The following KIR2DL1 variants were observed in gnomAD, a reference collection of about 807,000 sequenced individuals.
KIR2DL1 encodes the protein killer cell immunoglobulin-like receptor 2DL1.
A neutral mutation model predicts 33.9 loss-of-function variants in KIR2DL1; 38 were observed. That is an observed-to-expected ratio of 1.12 (90% CI 0.86 to 1.47). KIR2DL1 has a LOEUF of 1.47. Among genes scored for constraint, KIR2DL1 ranks in the 40% most tolerant of loss-of-function variants. The probability of loss-of-function intolerance (pLI) is 0.00; values close to 1 mark genes in which losing one functional copy is unlikely to be tolerated. For missense variants in KIR2DL1, 531 were observed against 433.9 expected (o/e 1.22, Z -1.99); for synonymous variants, 179 against 165.9 (o/e 1.08, Z -0.61).
rs112621768 is a variant in KIR2DL1 at position 54,773,521 on chromosome 19, A to G, written c.259A>G (p.Ile87Val). ...TGGGGTCTCCAAGGCCAACTTCTCC[A>G]TCAGTCGCATGACGCAAGACCTGGC... ...HDGVSKANFS[I>V]SRMTQDLAGT... The change falls in exon 3 of 8, where the codon ATC becomes GTC. Residue 87 changes from isoleucine (I) to valine (V), a missense_variant. By Grantham distance (29) the Ile-to-Val change is conservative. Coordinates refer to ENST00000336077, the MANE Select transcript of KIR2DL1 (RefSeq NM_014218.3). 1.3e-5 allele frequency: 20 copies of G among 1,584,320 alleles called. 1 individual carries two copies. The highest frequency in any genetic ancestry group is 1.2e-4 in the African/African-American group (9 of 74,116).
rs1156292271 is a variant in KIR2DL1, at chr19:54,770,510, A to G, written c.35-339A>G. Among the ~76,000 whole-genome samples, 32 of 143,422 alleles carry G rather than the reference A, an allele frequency of 2.2e-4. 3 individuals are homozygous for G. The Admixed American group carries it at 2.2e-3, about 10-fold the overall frequency. 94.1% of individuals were successfully genotyped at this position (143,422 alleles called of 152,430 possible). ...GAGGAGATATGGACCTGGAGTGGAG[A>G]TAAGGGCCTGGATTGGAGATATGGG... On this transcript the variant is annotated intron_variant, in intron 1 of 7. Transcript: ENST00000336077.
rs759516123 is a variant in KIR2DL1 at position 54,770,873 on chromosome 19, G to C, written c.59G>C (p.Trp20Ser). 1 of 1,584,386 alleles carries C rather than the reference G, an allele frequency of 6.3e-7. No individual in the cohort carries two copies. The highest frequency in any genetic ancestry group is 8.6e-7 in the Non-Finnish European group (1 of 1,156,526). Residue 20 changes from tryptophan (W) to serine (S), a missense_variant, in exon 2 of 8, where the codon TGG (tryptophan) becomes TCG (serine). Coordinates refer to ENST00000336077, the MANE Select transcript of KIR2DL1 (RefSeq NM_014218.3). Reference protein sequence around the residue: ...CVGFFLLQGAWPHEGVHRKPS... With the variant: ...CVGFFLLQGASPHEGVHRKPS... ...GGGTTCTTCTTGCTGCAGGGGGCCT[G>C]GCCACATGAGGGTGAGTCCTTCTCC...
Position 54,783,624 on chromosome 19 carries a change from T to A in KIR2DL1, c.871-13T>A. 1 of 1,613,914 alleles carries A rather than the reference T, an allele frequency of 6.2e-7. No individual in the cohort carries two copies. The highest frequency in any genetic ancestry group is 1.3e-5 in the African/African-American group (1 of 74,988). On this transcript the variant is annotated splice_polypyrimidine_tract_variant and intron_variant, in intron 7 of 7. Coordinates refer to ENST00000336077, the MANE Select transcript of KIR2DL1 (RefSeq NM_014218.3). ...TGAGCACCCTCCCTCACTCAGCATT[T>A]CCCTCTCTCCAGGACTCTGATGAAC... is the stretch of plus-strand genomic sequence containing the variant.
Position 54,781,795 on chromosome 19 carries a change from A to T in KIR2DL1, c.716-1127A>T, listed in dbSNP as rs1456798435. On this transcript the variant is annotated intron_variant, in intron 5 of 7. Coordinates refer to ENST00000336077, the MANE Select transcript of KIR2DL1 (RefSeq NM_014218.3). ...ATTTCGCTTTTTTTATCTTGATTTC[A>T]CTTTTGTTTTCTTTCCTTGGAGAAT... 4.6e-3 allele frequency among the ~76,000 whole-genome samples: 693 copies of T among 152,056 alleles called. 2 individuals carry two copies. The highest frequency in any genetic ancestry group is 0.016 in the African/African-American group (660 of 41,472).
chr19:54,770,626 A>C (rs1440509229), intron 1 of KIR2DL1, among the ~76,000 whole-genome samples: 1 of 146,160 alleles, frequency 6.8e-6, no homozygotes, highest in Non-Finnish European at 1.5e-5. Flanking sequence ...GAGTGGAGAT[A>C]TGGGCCTGGA....
At chr19:54,776,589 G>C (rs747375434) in intron 4 of KIR2DL1, among the ~76,000 whole-genome samples, 1 of 144,680 alleles carries the variant, frequency 6.9e-6, no homozygotes, top group Non-Finnish European at 1.5e-5. Flanking sequence ...ACTTTCCTTT[G>C]GATATAAACC....
In KIR2DL1 at chr19:54,783,665, T is replaced by C; in HGVS notation, c.899T>C (p.Val300Ala). Residue 300 changes from valine (V) to alanine (A), a missense_variant, in exon 8 of 8, where the codon GTG (valine) becomes GCG (alanine). Val to Ala is a moderately conservative substitution (Grantham distance 64). Transcript: ENST00000336077. ...EDSDEQDPQE[V>A]TYTQLNHCVF... ...TCTGATGAACAAGACCCTCAGGAGG[T>C]GACATACACACAGTTGAATCACTGC... 6.2e-7 allele frequency: 1 copy of C among 1,613,828 alleles called. No homozygotes were observed. The highest frequency in any genetic ancestry group is 8.5e-7 in the Non-Finnish European group (1 of 1,179,922).
At chr19:54,777,513 T>C (rs1265037672) in intron 4 of KIR2DL1, among the ~76,000 whole-genome samples, 1 of 150,284 alleles carries the variant, frequency 6.7e-6, no homozygotes, top group Non-Finnish European at 1.5e-5. Context: ...TTGCTCCTTT[T>C]TCAATTAAAT....
intron 5 of KIR2DL1, among the ~76,000 whole-genome samples, chr19:54,782,211 G>C (rs990517370): frequency 5.8e-4 from 88 of 151,058 alleles, no homozygotes; most frequent in Non-Finnish European, 1.2e-3. Context: ...AGCACTGCAT[G>C]ACGTCCTCCA....
chr19:54,777,390 C>G (rs1175197055), intron 4 of KIR2DL1, among the ~76,000 whole-genome samples: 1 of 148,498 alleles, frequency 6.7e-6, no homozygotes, highest in Non-Finnish European at 1.5e-5. Context: ...CTCACCCGGC[C>G]TAAAAGCCAT....
chr19:54,783,710 T>A lies in KIR2DL1; in HGVS notation c.944T>A (p.Ile315Asn). ...CACTGCGTTTTCACACAGAGAAAAA[T>A]CACTCGCCCTTCTCAGAGGCCCAAG... ...LNHCVFTQRK[I>N]TRPSQRPKTP... The change falls in exon 8 of 8, where the codon ATC becomes AAC. Residue 315 changes from isoleucine (I) to asparagine (N), a missense_variant. Transcript: ENST00000336077. The A allele has an allele frequency of 6.2e-7, 1 of 1,613,848 alleles. No individual in the cohort carries two copies. Among genetic ancestry groups the A allele is most frequent in the Non-Finnish European group, 8.5e-7 (1 of 1,179,932 alleles).
intron 6 of KIR2DL1, 67 bp downstream of exon 6, chr19:54,783,090 G>C (rs2077224170): frequency 1.3e-6 from 2 of 1,533,414 alleles, no homozygotes; most frequent in Admixed American, 1.7e-5. Context: ...GGAGCACTCA[G>C]GTGTGTGTTC....
At position 54,778,172 on chromosome 19, in the gene KIR2DL1, A is replaced by G. The variant is rs141015500; in HGVS notation, c.665-440A>G. 2.7e-3 allele frequency among the ~76,000 whole-genome samples: 405 copies of G among 147,968 alleles called. 7 individuals carry two copies. Among genetic ancestry groups the G allele is most frequent in the African/African-American group, 9.3e-3 (377 of 40,544 alleles). On this transcript the variant is annotated intron_variant, in intron 4 of 7. Coordinates refer to ENST00000336077, the MANE Select transcript of KIR2DL1 (RefSeq NM_014218.3). ...CTACTCAGGAATTTGAGGCAAGAGAATGATTGAACCCAGGAGGCTGAGGTT... is the reference window on the plus strand; with the variant it reads ...CTACTCAGGAATTTGAGGCAAGAGAGTGATTGAACCCAGGAGGCTGAGGTT...
Position 54,778,544 on chromosome 19 carries a change from C to A in KIR2DL1, c.665-68C>A, listed in dbSNP as rs2076607660. 41 of 1,419,370 alleles carry A rather than the reference C, an allele frequency of 2.9e-5. 6 individuals carry two copies. Among genetic ancestry groups the A allele is most frequent in the Non-Finnish European group, 3.8e-5 (39 of 1,022,264 alleles). The allele number at this position is 1,419,370 out of a possible 1,614,324, so 87.9% of individuals were successfully genotyped here. A position where few individuals can be genotyped will look rare whatever the true frequency, so the allele number is the denominator to read the frequency against. ...GAGAGTGTTGGCCATGAACCATCCT[C>A]AAAGATTTCCACTGAGTGGAGGACA... On this transcript the variant is annotated intron_variant, in intron 4 of 7. Coordinates refer to ENST00000336077, the MANE Select transcript of KIR2DL1 (RefSeq NM_014218.3).
At chr19:54,775,817 C>A (rs1340472471) in intron 4 of KIR2DL1, among the ~76,000 whole-genome samples, 1 of 149,058 alleles carries the variant, frequency 6.7e-6, no homozygotes, top group African/African-American at 2.4e-5. Context: ...GATGTCATCA[C>A]CAGCAACCCC....
At chr19:54,779,196 T>C (rs2076694814) in intron 5 of KIR2DL1, among the ~76,000 whole-genome samples, 1 of 147,618 alleles carries the variant, frequency 6.8e-6, no homozygotes, top group African/African-American at 2.5e-5. Flanking sequence ...TGTGGAACCT[T>C]TTCCTATTGT....
At chr19:54,779,136 C>T (rs61489827) in intron 5 of KIR2DL1, among the ~76,000 whole-genome samples, 2,431 of 148,222 alleles carry the variant, frequency 0.016, 45 homozygotes, top group African/African-American at 0.057. Context: ...TGCACGCACA[C>T]TTCGACTCAC....
At position 54,782,980 on chromosome 19, in the gene KIR2DL1, C is replaced by T. The variant is rs1335166867; in HGVS notation, c.774C>T (p.Ile258=). 3.7e-6 allele frequency: 6 copies of T among 1,613,790 alleles called. No individual in the cohort carries two copies. Among genetic ancestry groups the T allele is most frequent in the South Asian group, 3.3e-5 (3 of 91,072 alleles). The change falls in exon 6 of 8, where the codon ATC becomes ATT. Residue 258 remains isoleucine, a synonymous_variant. Transcript: ENST00000336077. ...CCTCAGTGGTCATCATCCTCTTCAT[C>T]CTCCTCTTCTTTCTCCTTCATCGCT... ...IGTSVVIILF[I]LLFFLLHRWC...
chr19:54,782,644 C>T (rs2077128794), intron 5 of KIR2DL1, among the ~76,000 whole-genome samples: 1 of 152,044 alleles, frequency 6.6e-6, no homozygotes, highest in African/African-American at 2.4e-5. Flanking sequence ...ACCCAAACAC[C>T]TCTCAAGAGG....
Sources: gnomAD v4.1 joint callset for allele counts (sites outside exome capture counted in the v4.1 genomes callset) on GRCh38, gnomAD v4.1.1 for gene constraint, MANE v1.5 for transcripts, NCBI Gene and HGNC (gene_info 2026-07-23, HGNC 2026-07-21) for gene names.